Variants in MACROD2 observed in about 807,000 individuals in gnomAD.
MACROD2 encodes the protein mono-ADP ribosylhydrolase 2.
Under a neutral mutation model 70.4 loss-of-function variants are expected in MACROD2, and 36 were observed. The ratio of observed to expected loss-of-function variants is 0.51; its 90% CI spans 0.39 to 0.68. The LOEUF (loss-of-function observed/expected upper bound fraction) is 0.68, where lower values mean the gene tolerates loss of function less well. Among genes scored for constraint, MACROD2 ranks in the 30% least tolerant of loss-of-function variants. The pLI is 0.00. For synonymous variants in MACROD2, 172 were observed against 178.8 expected, an observed-to-expected ratio of 0.96 and a Z score of 0.30; for missense variants, 496 against 538.4, an observed-to-expected ratio of 0.92 and a Z score of 0.78.
chr20:14,749,511 C>T (rs1474962709), intron 5 of MACROD2, among the ~76,000 whole-genome samples: 1 of 151,920 alleles, frequency 6.6e-6, no homozygotes, highest in Non-Finnish European at 1.5e-5. Context: ...AGAAAATTCT[C>T]GAAGATTAAT....
At chr20:16,048,105 G>A (rs1017394571) in intron 17 of MACROD2, among the ~76,000 whole-genome samples, 2 of 152,190 alleles carry the variant, frequency 1.3e-5, no homozygotes, top group African/African-American at 4.8e-5. Context: ...GATTCCTGGT[G>A]TATGTGGCAA....
chr20:14,588,249 T>C (rs1191091294), intron 4 of MACROD2, among the ~76,000 whole-genome samples: 3 of 152,174 alleles, frequency 2.0e-5, no homozygotes, highest in Non-Finnish European at 4.4e-5. Flanking sequence ...TGATTATCTC[T>C]ATTTTCCTAG....
intron 3 of MACROD2, among the ~76,000 whole-genome samples, chr20:14,476,896 G>A (rs1020887560): frequency 3.3e-5 from 5 of 152,150 alleles, no homozygotes; most frequent in African/African-American, 1.2e-4. Flanking sequence ...ATCCATACCT[G>A]TATCATTTTT....
At chr20:15,653,376 G>T (rs1420440) in intron 8 of MACROD2, among the ~76,000 whole-genome samples, 46,330 of 152,116 alleles carry the variant, frequency 0.3, 7,900 homozygotes, top group East Asian at 0.42. Flanking sequence ...AGTCAAACGT[G>T]CCATGTCAAC....
intron 4 of MACROD2, among the ~76,000 whole-genome samples, chr20:14,656,319 AT>A (rs1374070185): frequency 6.6e-6 from 1 of 152,212 alleles, no homozygotes; most frequent in Non-Finnish European, 1.5e-5. Context: ...AGAAATTCAT[AT>A]AGCCAATTGG....
At chr20:15,548,376 T>G (rs1272219895) in intron 8 of MACROD2, among the ~76,000 whole-genome samples, 1 of 152,060 alleles carries the variant, frequency 6.6e-6, no homozygotes, top group East Asian at 1.9e-4. Flanking sequence ...GGGGCCAAAC[T>G]TAGAGATGTG....
At chr20:15,593,841 A>G (rs929758340) in intron 8 of MACROD2, among the ~76,000 whole-genome samples, 1 of 152,228 alleles carries the variant, frequency 6.6e-6, no homozygotes, top group African/African-American at 2.4e-5. Context: ...TGTACCACAC[A>G]CAATAAGAGG....
chr20:15,196,829 G>A (rs1265829187), intron 5 of MACROD2: 9 of 984,078 alleles, frequency 9.1e-6, no homozygotes, highest in Non-Finnish European at 1.1e-5. Context: ...GCCTTGAAGT[G>A]CCTGAGTCTT....
chr20:16,037,290 T>G (rs2067248552), intron 15 of MACROD2, among the ~76,000 whole-genome samples: 2 of 152,020 alleles, frequency 1.3e-5, no homozygotes, highest in African/African-American at 4.8e-5. Flanking sequence ...CACTAAGCAT[T>G]GTTTAATAGA....
At chr20:15,423,818 G>A (rs1299916357) in intron 6 of MACROD2, among the ~76,000 whole-genome samples, 1 of 151,890 alleles carries the variant, frequency 6.6e-6, no homozygotes, top group Non-Finnish European at 1.5e-5. Context: ...TCCCCTCGTG[G>A]AGTGTCTTAC....
chr20:15,128,471 G>T (rs1001892625), intron 5 of MACROD2, among the ~76,000 whole-genome samples: 1 of 151,902 alleles, frequency 6.6e-6, no homozygotes, highest in African/African-American at 2.4e-5. Flanking sequence ...CCCTGGATAG[G>T]CCTTTTCTTC....
At chr20:16,046,675 C>CT (rs557907668) in intron 17 of MACROD2, among the ~76,000 whole-genome samples, 18,077 of 85,518 alleles carry the variant, frequency 0.21, 3,292 homozygotes, top group African/African-American at 0.3. Context: ...GGTGTCAAAA[C>CT]TTTTTTTTTT....
chr20:14,714,541 C>T (rs1454622512), intron 5 of MACROD2, among the ~76,000 whole-genome samples: 1 of 152,204 alleles, frequency 6.6e-6, no homozygotes, highest in Admixed American at 6.5e-5. Context: ...CAAGACCTGG[C>T]CTCTGCCTTC....
chr20:14,261,620 C>T (rs1269480096), intron 3 of MACROD2, among the ~76,000 whole-genome samples: 1 of 152,148 alleles, frequency 6.6e-6, no homozygotes, highest in Non-Finnish European at 1.5e-5. Context: ...CATAGTTTAT[C>T]TCACCTATAA....
intron 5 of MACROD2, among the ~76,000 whole-genome samples, chr20:15,151,153 C>T (rs2076266564): frequency 6.6e-6 from 1 of 152,088 alleles, no homozygotes; most frequent in South Asian, 2.1e-4. Context: ...GCCAGAGTTC[C>T]AGGGGGCTCT....
chr20:16,034,228 T>C (rs563162330), intron 15 of MACROD2, among the ~76,000 whole-genome samples: 106 of 152,190 alleles, frequency 7.0e-4, no homozygotes, highest in African/African-American at 2.5e-3. Flanking sequence ...TAGATAATGC[T>C]GTTGACTTCA....
At chr20:15,193,016 G>C (rs1371042480) in intron 5 of MACROD2, among the ~76,000 whole-genome samples, 1 of 152,124 alleles carries the variant, frequency 6.6e-6, no homozygotes, top group Non-Finnish European at 1.5e-5. Flanking sequence ...CTGGTGGCCT[G>C]GTTGAAAGTT....
At chr20:14,255,204 C>T (rs2082043857) in intron 3 of MACROD2, among the ~76,000 whole-genome samples, 1 of 151,942 alleles carries the variant, frequency 6.6e-6, no homozygotes, top group Non-Finnish European at 1.5e-5. Flanking sequence ...GCTAAATGCT[C>T]CAATTAAAAG....
chr20:15,976,220 A>G (rs1254740719), intron 13 of MACROD2, among the ~76,000 whole-genome samples: 1 of 152,218 alleles, frequency 6.6e-6, no homozygotes, highest in African/African-American at 2.4e-5. Context: ...ATTTTTATGC[A>G]AATTAATTAA....
Sources: gnomAD v4.1 joint callset for allele counts (sites outside exome capture counted in the v4.1 genomes callset) on GRCh38, gnomAD v4.1.1 for gene constraint, MANE v1.5 for transcripts, NCBI Gene and HGNC (gene_info 2026-07-23, HGNC 2026-07-21) for gene names.